Variants in FRMD4A observed in about 807,000 individuals in gnomAD.
FRMD4A encodes the protein FERM domain containing 4A, also known as FERM domain-containing protein 4A.
In FRMD4A, 29 loss-of-function variants were observed where a neutral mutation model predicts 129.1. The observed-to-expected ratio is 0.22, with a 90% CI of 0.17 to 0.31. The LOEUF is 0.31. FRMD4A is among the 10% of genes least tolerant of loss of function. FRMD4A has a pLI of 1.00. For synonymous variants in FRMD4A, 634 were observed against 571.6 expected, an observed-to-expected ratio of 1.11 and a Z score of -1.56; for missense variants, 1,272 against 1,375.8, an observed-to-expected ratio of 0.92 and a Z score of 1.19.
At chr10:13,665,699 G>A (rs1057404265) in intron 18 of FRMD4A, among the ~76,000 whole-genome samples, 1 of 152,184 alleles carries the variant, frequency 6.6e-6, no homozygotes, top group Non-Finnish European at 1.5e-5. Flanking sequence ...AGGGATCACT[G>A]CTGCTGTGTA....
At chr10:13,846,649 A>G (rs1465776217) in intron 3 of FRMD4A, among the ~76,000 whole-genome samples, 1 of 152,228 alleles carries the variant, frequency 6.6e-6, no homozygotes, top group Non-Finnish European at 1.5e-5. Flanking sequence ...TGGTGACTGT[A>G]ATGGCATAGG....
intron 2 of FRMD4A, among the ~76,000 whole-genome samples, chr10:14,190,581 T>C (rs1842286679): frequency 6.6e-6 from 1 of 152,214 alleles, no homozygotes; most frequent in South Asian, 2.1e-4. Context: ...AGCTGGAGTT[T>C]TCTTGTGTTG....
intron 2 of FRMD4A, chr10:14,327,070 C>A (rs952663991): frequency 5.0e-6 from 2 of 397,886 alleles, no homozygotes; most frequent in African/African-American, 4.1e-5. Flanking sequence ...TCCAGGCATG[C>A]TTACCACCTG....
chr10:14,269,913 T>G (rs566311531), intron 2 of FRMD4A, among the ~76,000 whole-genome samples: 5 of 152,304 alleles, frequency 3.3e-5, no homozygotes, highest in South Asian at 4.1e-4. Context: ...ATTAGAATGT[T>G]TGAGCTGCCC....
chr10:13,994,406 C>T (rs7477733), intron 2 of FRMD4A, among the ~76,000 whole-genome samples: 43,351 of 151,506 alleles, frequency 0.29, 7,345 homozygotes, highest in East Asian at 0.73. Context: ...CTCGATCTCC[C>T]GACCTCATGA....
chr10:14,276,690 G>A (rs947108253), intron 2 of FRMD4A, among the ~76,000 whole-genome samples: 16 of 152,076 alleles, frequency 1.1e-4, no homozygotes, highest in Non-Finnish European at 1.8e-4. Context: ...GAGGATCCTC[G>A]CATCTCCAGA....
chr10:13,734,496 T>C (rs1254099422), intron 12 of FRMD4A, among the ~76,000 whole-genome samples: 2 of 152,164 alleles, frequency 1.3e-5, no homozygotes, highest in African/African-American at 2.4e-5. Flanking sequence ...TGTTCCAGAA[T>C]GAAGGGCACT....
At chr10:14,010,664 C>CTTTTTTTTTTTTTTTTTTTTT (rs779471389) in intron 2 of FRMD4A, among the ~76,000 whole-genome samples, 8 of 76,428 alleles carry the variant, frequency 1.0e-4, no homozygotes, top group East Asian at 1.3e-3. Flanking sequence ...GAGTTTAGGT[C>CTTTTTTTTTTTTTTTTTTTTT]TTTTTTTTTT....
At chr10:13,875,394 A>G (rs888820016) in intron 2 of FRMD4A, among the ~76,000 whole-genome samples, 1 of 152,192 alleles carries the variant, frequency 6.6e-6, no homozygotes, top group African/African-American at 2.4e-5. Flanking sequence ...GTCTTCCTCA[A>G]TCCATGTATT....
chr10:13,784,577 T>C (rs1460513839), intron 5 of FRMD4A, among the ~76,000 whole-genome samples: 1 of 152,148 alleles, frequency 6.6e-6, no homozygotes, highest in African/African-American at 2.4e-5. Flanking sequence ...TAGATTCCAC[T>C]GGGAAATGGA....
intron 2 of FRMD4A, among the ~76,000 whole-genome samples, chr10:14,117,965 A>T (rs956603222): frequency 9.2e-5 from 14 of 152,126 alleles, no homozygotes; most frequent in African/African-American, 2.9e-4. Context: ...ATTTAGGGTC[A>T]CCTGGAAGCC....
chr10:14,184,398 C>T lies in FRMD4A; in HGVS notation c.45+145660G>A, dbSNP rs181898318. ...GCTGGGATGGATTACAGGCGTGAGC[C>T]ACTGCAACTGAACCCATTTTCTATA... On this transcript the variant is annotated intron_variant, in intron 2 of 24. Coordinates refer to ENST00000357447, the MANE Select transcript of FRMD4A (RefSeq NM_018027.5). 2.4e-3 allele frequency among the ~76,000 whole-genome samples: 362 copies of T among 150,610 alleles called. 1 individual carries two copies. The highest frequency in any genetic ancestry group is 4.0e-3 in the Non-Finnish European group (273 of 67,790).
chr10:13,683,511 C>T (rs1440660872), intron 15 of FRMD4A, among the ~76,000 whole-genome samples: 1 of 151,900 alleles, frequency 6.6e-6, no homozygotes, highest in Non-Finnish European at 1.5e-5. Flanking sequence ...GCAGGAAGAT[C>T]CCTTGAATCC....
At chr10:14,051,644 A>T (rs1834263876) in intron 2 of FRMD4A, among the ~76,000 whole-genome samples, 1 of 152,218 alleles carries the variant, frequency 6.6e-6, no homozygotes, top group Non-Finnish European at 1.5e-5. Flanking sequence ...AGCAGCAGTG[A>T]CAGGTGACAG....
intron 2 of FRMD4A, among the ~76,000 whole-genome samples, chr10:14,108,744 T>G (rs1282100298): frequency 6.6e-6 from 1 of 152,120 alleles, no homozygotes; most frequent in Non-Finnish European, 1.5e-5. Flanking sequence ...ATGCCCCTCA[T>G]ATTTGCTAAA....
At chr10:14,199,651 AAC>A (rs1295487931) in intron 2 of FRMD4A, among the ~76,000 whole-genome samples, 48 of 152,258 alleles carry the variant, frequency 3.2e-4, no homozygotes, top group African/African-American at 1.2e-3. Context: ...TGGCCTCCCA[AAC>A]AGCTGGAAGT....
intron 3 of FRMD4A, among the ~76,000 whole-genome samples, chr10:13,839,155 C>T (rs1363105312): frequency 1.3e-5 from 2 of 151,842 alleles, no homozygotes; most frequent in African/African-American, 2.4e-5. Context: ...GCCACCACAC[C>T]TAGCTAATTA....
intron 2 of FRMD4A, among the ~76,000 whole-genome samples, chr10:13,988,006 T>G (rs953175186): frequency 6.6e-6 from 1 of 152,130 alleles, no homozygotes; most frequent in African/African-American, 2.4e-5. Context: ...ACTCTCAATT[T>G]AACAGAAACA....
chr10:14,192,851 G>A (rs1296700828), intron 2 of FRMD4A, among the ~76,000 whole-genome samples: 1 of 152,186 alleles, frequency 6.6e-6, no homozygotes, highest in Non-Finnish European at 1.5e-5. Context: ...GGTCACAAAG[G>A]ATGATTTATT....
Sources: allele counts gnomAD v4.1 joint callset (sites outside exome capture counted in the v4.1 genomes callset), GRCh38; gene constraint gnomAD v4.1.1; transcripts MANE v1.5; gene names NCBI Gene and HGNC (gene_info 2026-07-23, HGNC 2026-07-21).